Variants in TMEM114 observed in about 807,000 individuals in gnomAD.
TMEM114 encodes the protein claudin-26.
A neutral mutation model predicts 6.2 loss-of-function variants in TMEM114; 6 were observed. That is an observed-to-expected ratio of 0.97 (90% confidence interval 0.53 to 1.91). The LOEUF (loss-of-function observed/expected upper bound fraction) is 1.91. Among genes scored for constraint, TMEM114 ranks in the 40% most tolerant of loss-of-function variants. The probability of loss-of-function intolerance (pLI) is 0.01; values close to 1 mark genes in which losing one functional copy is unlikely to be tolerated. For synonymous variants in TMEM114, 104 were observed against 73.0 expected, an observed-to-expected ratio of 1.42 and a Z score of -2.16; for missense variants, 218 against 158.3, an observed-to-expected ratio of 1.38 and a Z score of -2.02.
At chr16:8,538,944 A>C (rs1200985514) in intron 2 of TMEM114, among the ~76,000 whole-genome samples, 1 of 152,242 alleles carries the variant, frequency 6.6e-6, no homozygotes, top group African/African-American at 2.4e-5. Context: ...GACTTTGAGA[A>C]AACAGTTTAC....
the TMEM114 span, among the ~76,000 whole-genome samples, chr16:8,528,716 T>G: frequency 2.0e-5 from 3 of 152,208 alleles, no homozygotes; most frequent in Non-Finnish European, 2.9e-5. Flanking sequence ...TGCATGAACT[T>G]TCTTCTTTAT....
At chr16:8,537,215 A>T (rs1023533437), downstream of TMEM114, among the ~76,000 whole-genome samples, 2 of 150,768 alleles carry the variant, frequency 1.3e-5, no homozygotes, top group Non-Finnish European at 3.0e-5. Flanking sequence ...AAAAAACAAA[A>T]ACAGGCCAGG....
At chr16:8,557,161 G>C (rs1038686787) in intron 2 of TMEM114, among the ~76,000 whole-genome samples, 11 of 152,162 alleles carry the variant, frequency 7.2e-5, no homozygotes, top group African/African-American at 2.7e-4. Context: ...TCCCAGGGAG[G>C]TTGAGGTCTA....
At chr16:8,549,423 C>T (rs1900773760) in intron 2 of TMEM114, among the ~76,000 whole-genome samples, 1 of 150,790 alleles carries the variant, frequency 6.6e-6, no homozygotes, top group East Asian at 2.0e-4. Flanking sequence ...TCGCTTGAAC[C>T]CAGGGGGCAG....
intron 2 of TMEM114, among the ~76,000 whole-genome samples, chr16:8,561,884 GTGAGTGAATGAGTAAA>G (rs1451104928): frequency 7.0e-6 from 1 of 142,644 alleles, no homozygotes; most frequent in Non-Finnish European, 1.6e-5. Context: ...GAGTGAATGA[GTGAGTGAATGAGTAAA>G]TGAGTGAATG....
At chr16:8,528,334 C>T in the TMEM114 span, among the ~76,000 whole-genome samples, 1 of 152,144 alleles carries the variant, frequency 6.6e-6, no homozygotes, top group African/African-American at 2.4e-5. Flanking sequence ...TCACGTCACC[C>T]CACTCTCCCA....
At position 8,538,046 on chromosome 16, in the gene TMEM114, C is replaced by G. The variant is rs555756607; in HGVS notation, n.213-220G>C. 1.2e-4 allele frequency among the ~76,000 whole-genome samples: 17 copies of G among 142,628 alleles called. No homozygotes were observed. In the South Asian group the frequency reaches 3.6e-3, roughly 30 times the overall value. 93.6% of individuals were successfully genotyped at this position (142,628 alleles called of 152,430 possible). A position where few individuals can be genotyped will look rare whatever the true frequency, so the allele number is the denominator to read the frequency against. ...GGGCGCCGTGACTTACACCTGTAAT[C>G]CTGGCACTTTGTGAGGCCAGGGCAG... On this transcript the variant is annotated intron_variant and non_coding_transcript_variant, in intron 2 of 2. Coordinates refer to the TMEM114 transcript ENST00000623677.
downstream of TMEM114, among the ~76,000 whole-genome samples, chr16:8,566,897 G>GTTT (rs71150402): frequency 7.6e-3 from 742 of 98,254 alleles, 29 homozygotes; most frequent in African/African-American, 8.9e-3. Flanking sequence ...CATCACCCTG[G>GTTT]TTTTTTTTTT....
chr16:8,545,263 G>C (rs1167445173), intron 2 of TMEM114, among the ~76,000 whole-genome samples: 1 of 151,926 alleles, frequency 6.6e-6, no homozygotes, highest in East Asian at 1.9e-4. Context: ...CATAGCAAGA[G>C]CCCTTATCTA....
chr16:8,552,728 G>A (rs1484502773), intron 2 of TMEM114, among the ~76,000 whole-genome samples: 2 of 150,208 alleles, frequency 1.3e-5, no homozygotes, highest in Non-Finnish European at 3.0e-5. Context: ...AAAGACAATG[G>A]CTGTGCTCTA....
At chr16:8,572,823 A>G (rs1376341585) in intron 2 of TMEM114, among the ~76,000 whole-genome samples, 2 of 152,220 alleles carry the variant, frequency 1.3e-5, no homozygotes, top group Non-Finnish European at 2.9e-5. Flanking sequence ...GGTGTTAGGA[A>G]GAACTTGGGA....
intron 2 of TMEM114, among the ~76,000 whole-genome samples, chr16:8,559,200 G>C (rs1288687013): frequency 6.6e-6 from 1 of 151,184 alleles, no homozygotes; most frequent in Non-Finnish European, 1.5e-5. Context: ...GCGCCACTAC[G>C]CCCGGATAAT....
intron 2 of TMEM114, among the ~76,000 whole-genome samples, chr16:8,573,546 C>G (rs902535264): frequency 6.0e-5 from 9 of 151,180 alleles, no homozygotes; most frequent in Admixed American, 2.0e-4. Context: ...TTCCCAGCAG[C>G]CAAAGAAAAA....
At chr16:8,572,366 CTGA>C (rs1056325807) in intron 2 of TMEM114, 142 bp from the exon 3 acceptor site, 84 of 860,080 alleles carry the variant, frequency 9.8e-5, no homozygotes, top group Non-Finnish European at 1.1e-4. Context: ...TCTACTGTTT[CTGA>C]TGATGATGAT....
chr16:8,532,327 C>T, the TMEM114 span, among the ~76,000 whole-genome samples: 2 of 152,176 alleles, frequency 1.3e-5, no homozygotes. Flanking sequence ...GTCCAAGCCA[C>T]ATCCTCTCTC....
chr16:8,536,141 C>T (rs1345738526), downstream of TMEM114, among the ~76,000 whole-genome samples: 1 of 151,684 alleles, frequency 6.6e-6, no homozygotes, highest in Non-Finnish European at 1.5e-5. Context: ...AGGACAATCA[C>T]TTGAACCTGG....
chr16:8,564,271 A>AGTGAGTG (rs1331456104), intron 2 of TMEM114, among the ~76,000 whole-genome samples: 1 of 79,498 alleles, frequency 1.3e-5, no homozygotes, highest in African/African-American at 4.2e-5. Flanking sequence ...GTGATGAAAT[A>AGTGAGTG]AGTGAATGAG....
chr16:8,587,885 C>T, intron 2 of TMEM114, among the ~76,000 whole-genome samples: 1 of 151,420 alleles, frequency 6.6e-6, no homozygotes, highest in Non-Finnish European at 1.5e-5. Flanking sequence ...CACAGTGGCT[C>T]ACACCTGAAA....
At chr16:8,562,161 T>A (rs766793748) in intron 2 of TMEM114, among the ~76,000 whole-genome samples, 1 of 150,674 alleles carries the variant, frequency 6.6e-6, no homozygotes, top group African/African-American at 2.5e-5. Flanking sequence ...AATAAGTGAG[T>A]TAGTGAATGA....
Sources: allele counts gnomAD v4.1 joint callset (sites outside exome capture counted in the v4.1 genomes callset), GRCh38; gene constraint gnomAD v4.1.1; transcripts MANE v1.5; gene names NCBI Gene and HGNC (gene_info 2026-07-23, HGNC 2026-07-21).